ACYP2: variants seen among roughly 807,000 people sequenced by gnomAD.
ACYP2 encodes the protein acylphosphatase 2, also known as acylphosphatase-2.
A neutral mutation model predicts 11.2 loss-of-function variants in ACYP2; 12 were observed. The ratio of observed to expected loss-of-function variants is 1.08; its 90% CI spans 0.69 to 1.74. The LOEUF is 1.74. Among genes scored for constraint, ACYP2 ranks in the 40% most tolerant of loss-of-function variants. The pLI is 0.00. For synonymous variants in ACYP2, 43 were observed against 32.2 expected (o/e 1.33, Z -1.13); for missense variants, 134 against 101.9 (o/e 1.31, Z -1.35).
At chr2:54,254,962 T>C (rs1370545530) in intron 6 of ACYP2, 1 of 1,613,654 alleles carries the variant, frequency 6.2e-7, no homozygotes, top group Admixed American at 1.7e-5. Flanking sequence ...CTCCACTGGC[T>C]CCCTTACCAG....
At chr2:54,119,536 A>G (rs72906777) in intron 4 of ACYP2, among the ~76,000 whole-genome samples, 3,150 of 152,326 alleles carry the variant, frequency 0.021, 113 homozygotes, top group African/African-American at 0.07. Flanking sequence ...TCATTAAAAT[A>G]TTTGAGTGGA....
At chr2:54,109,475 G>T (rs529868523) in intron 4 of ACYP2, among the ~76,000 whole-genome samples, 1 of 152,204 alleles carries the variant, frequency 6.6e-6, no homozygotes, top group South Asian at 2.1e-4. Flanking sequence ...CTGCTTGAGG[G>T]ATGGGTGCAC....
chr2:54,172,865 A>T (rs1232239774), intron 6 of ACYP2, among the ~76,000 whole-genome samples: 1 of 152,214 alleles, frequency 6.6e-6, no homozygotes, highest in Admixed American at 6.5e-5. Flanking sequence ...GTCCCCGCAG[A>T]GAACATGAAC....
chr2:54,035,781 T>C (rs1674867258), intron 2 of ACYP2, among the ~76,000 whole-genome samples: 2 of 152,210 alleles, frequency 1.3e-5, no homozygotes, highest in South Asian at 4.1e-4. Context: ...TTCCTTCTTA[T>C]AATTTGTTAA....
chr2:53,984,890 CTTAAAACCTG>C (rs1203320669), intron 2 of ACYP2, among the ~76,000 whole-genome samples: 1 of 151,844 alleles, frequency 6.6e-6, no homozygotes, highest in Non-Finnish European at 1.5e-5. Flanking sequence ...AAGTGAACTT[CTTAAAACCTG>C]TTAAAATGTT....
intron 2 of ACYP2, among the ~76,000 whole-genome samples, chr2:54,004,337 TCTTTTCA>T (rs1320501879): frequency 6.6e-6 from 1 of 151,236 alleles, no homozygotes; most frequent in African/African-American, 2.4e-5. Context: ...CTGTTCAGCA[TCTTTTCA>T]TATCCTTACC....
chr2:54,070,398 A>G (rs567247596), intron 4 of ACYP2, among the ~76,000 whole-genome samples: 1 of 152,320 alleles, frequency 6.6e-6, no homozygotes, highest in South Asian at 2.1e-4. Flanking sequence ...AAATCATTCC[A>G]GTGATTTACA....
chr2:54,204,233 A>C (rs193174142), intron 6 of ACYP2, among the ~76,000 whole-genome samples: 55 of 150,966 alleles, frequency 3.6e-4, no homozygotes, highest in African/African-American at 1.3e-3. Context: ...TCCTGACCTC[A>C]TGTTCCGCCC....
intron 6 of ACYP2, 114 bp downstream of exon 3, chr2:54,138,862 G>T: frequency 1.3e-6 from 1 of 784,994 alleles, no homozygotes; most frequent in South Asian, 1.8e-5. Context: ...GCACAATCTC[G>T]GCTCACTACA....
intron 6 of ACYP2, among the ~76,000 whole-genome samples, chr2:54,182,795 T>C (rs1022797895): frequency 3.9e-5 from 6 of 152,182 alleles, no homozygotes; most frequent in African/African-American, 1.4e-4. Flanking sequence ...TTTTTTTTTC[T>C]TTTTCTTGGC....
intron 2 of ACYP2, among the ~76,000 whole-genome samples, chr2:54,015,169 T>C (rs1673610068): frequency 6.6e-6 from 1 of 151,366 alleles, no homozygotes; most frequent in African/African-American, 2.4e-5. Context: ...GTATTTGAGA[T>C]CAGCCTGGGC....
chr2:54,056,872 A>C (rs1326173230), intron 3 of ACYP2, among the ~76,000 whole-genome samples: 1 of 152,200 alleles, frequency 6.6e-6, no homozygotes, highest in Non-Finnish European at 1.5e-5. Context: ...TTTAAAAAGA[A>C]CTTAAAGGAA....
intron 6 of ACYP2, among the ~76,000 whole-genome samples, chr2:54,304,326 G>A (rs1174714092): frequency 1.3e-5 from 2 of 151,930 alleles, no homozygotes; most frequent in East Asian, 3.9e-4. Context: ...GGAAACAATA[G>A]TGAATTGTTT....
At chr2:54,104,254 A>T (rs1225667183) in intron 4 of ACYP2, among the ~76,000 whole-genome samples, 1 of 152,234 alleles carries the variant, frequency 6.6e-6, no homozygotes, top group Admixed American at 6.5e-5. Flanking sequence ...GTCTTGGAGA[A>T]CAGAATCAAG....
intron 6 of ACYP2, among the ~76,000 whole-genome samples, chr2:54,292,679 C>T (rs1446973581): frequency 2.7e-5 from 1 of 37,472 alleles, no homozygotes; most frequent in African/African-American, 1.5e-4. Context: ...TACACACACA[C>T]ACACACACAC....
chr2:54,081,805 T>C (rs762466200), intron 4 of ACYP2, among the ~76,000 whole-genome samples: 2 of 152,202 alleles, frequency 1.3e-5, no homozygotes, highest in African/African-American at 2.4e-5. Context: ...CAGTTTCCCA[T>C]GTGTGGCCAC....
At chr2:54,032,540 A>G (rs1674640342) in intron 2 of ACYP2, among the ~76,000 whole-genome samples, 1 of 152,160 alleles carries the variant, frequency 6.6e-6, no homozygotes, top group South Asian at 2.1e-4. Flanking sequence ...TTTGTAGTAT[A>G]CTTTGAAGTC....
At chr2:53,999,273 A>G (rs761548436) in intron 2 of ACYP2, among the ~76,000 whole-genome samples, 7 of 152,208 alleles carry the variant, frequency 4.6e-5, no homozygotes, top group Non-Finnish European at 8.8e-5. Context: ...GAGCCCTCAA[A>G]TATACACATA....
intron 4 of ACYP2, chr2:54,123,507 T>C (rs1167786674): frequency 5.0e-6 from 2 of 398,316 alleles, no homozygotes; most frequent in East Asian, 3.6e-5. Flanking sequence ...ACACTAAATA[T>C]ACAGTAGTTT....
Sources: allele counts gnomAD v4.1 joint callset (sites outside exome capture counted in the v4.1 genomes callset), GRCh38; gene constraint gnomAD v4.1.1; transcripts MANE v1.5; gene names NCBI Gene and HGNC (gene_info 2026-07-23, HGNC 2026-07-21).